BRINP3: variants seen among roughly 807,000 people sequenced by gnomAD.
BRINP3 encodes BMP/retinoic acid inducible neural specific 3.
BRINP3 carries 19 observed loss-of-function variants against 71.0 expected under a neutral mutation model. The ratio of observed to expected loss-of-function variants is 0.27; its 90% CI spans 0.19 to 0.39. BRINP3 has a LOEUF of 0.39. BRINP3 is among the 10% of genes least tolerant of loss of function. BRINP3 has a pLI of 1.00. For missense variants in BRINP3, 959 were observed against 940.8 expected, an observed-to-expected ratio of 1.02 and a Z score of -0.25; for synonymous variants, 380 against 337.7, an observed-to-expected ratio of 1.13 and a Z score of -1.37.
At chr1:190,237,992 A>G (rs547253591) in intron 4 of BRINP3, among the ~76,000 whole-genome samples, 20 of 152,164 alleles carry the variant, frequency 1.3e-4, no homozygotes, top group African/African-American at 4.6e-4. Flanking sequence ...TATTGTAACA[A>G]GAAAACCACA....
chr1:190,290,375 G>C (rs539447139), intron 2 of BRINP3, among the ~76,000 whole-genome samples: 165 of 152,214 alleles, frequency 1.1e-3, no homozygotes, highest in African/African-American at 3.0e-3. Flanking sequence ...AGATATTTCA[G>C]CTATAAAAAG....
At chr1:190,125,013 T>C (rs964049537) in intron 7 of BRINP3, among the ~76,000 whole-genome samples, 1 of 152,036 alleles carries the variant, frequency 6.6e-6, no homozygotes, top group African/African-American at 2.4e-5. Flanking sequence ...GGATAGGACC[T>C]TGGAGATCAC....
chr1:190,447,680 T>G (rs1397300062), intron 2 of BRINP3, among the ~76,000 whole-genome samples: 2 of 150,550 alleles, frequency 1.3e-5, no homozygotes, highest in South Asian at 2.1e-4. Context: ...TATGTTATAG[T>G]CTGTCTTTCA....
chr1:190,317,706 C>G (rs1363331485), intron 2 of BRINP3, among the ~76,000 whole-genome samples: 1 of 151,970 alleles, frequency 6.6e-6, no homozygotes, highest in Non-Finnish European at 1.5e-5. Context: ...ACATCTATGC[C>G]TTTACCCGTA....
chr1:190,395,736 C>T (rs1037267591), intron 2 of BRINP3, among the ~76,000 whole-genome samples: 13 of 151,848 alleles, frequency 8.6e-5, no homozygotes, highest in African/African-American at 3.1e-4. Flanking sequence ...CTGCACTCTC[C>T]AAATAATTTT....
chr1:190,232,907 C>T (rs905697835), intron 5 of BRINP3, among the ~76,000 whole-genome samples: 4 of 151,960 alleles, frequency 2.6e-5, no homozygotes, highest in African/African-American at 9.7e-5. Context: ...TTGCAAGAAA[C>T]ATTGGTGGAC....
At chr1:190,134,203 G>A (rs1392328652) in intron 7 of BRINP3, among the ~76,000 whole-genome samples, 2 of 151,994 alleles carry the variant, frequency 1.3e-5, no homozygotes, top group Admixed American at 6.6e-5. Flanking sequence ...GCCTCTTCGT[G>A]GAGGTGATAT....
intron 4 of BRINP3, among the ~76,000 whole-genome samples, chr1:190,260,319 G>T (rs1283576590): frequency 6.6e-6 from 1 of 152,006 alleles, no homozygotes; most frequent in Non-Finnish European, 1.5e-5. Context: ...AAGAAAAAAA[G>T]TATGTAAGAT....
At chr1:190,252,957 G>C (rs557173152) in intron 4 of BRINP3, among the ~76,000 whole-genome samples, 32 of 152,102 alleles carry the variant, frequency 2.1e-4, no homozygotes, top group African/African-American at 7.2e-4. Context: ...ACAGACCCCA[G>C]GGTGTGATGT....
intron 2 of BRINP3, among the ~76,000 whole-genome samples, chr1:190,386,356 A>G (rs555392790): frequency 2.6e-5 from 4 of 151,938 alleles, no homozygotes; most frequent in Non-Finnish European, 5.9e-5. Flanking sequence ...TACTTGTGAC[A>G]TGGGACTGTT....
At chr1:190,118,489 G>A (rs1164744075) in intron 7 of BRINP3, among the ~76,000 whole-genome samples, 1 of 151,998 alleles carries the variant, frequency 6.6e-6, no homozygotes, top group African/African-American at 2.4e-5. Flanking sequence ...TAAACATCTC[G>A]CCTTTATTAA....
chr1:190,418,902 A>C (rs2102448032), intron 2 of BRINP3, among the ~76,000 whole-genome samples: 1 of 152,250 alleles, frequency 6.6e-6, no homozygotes, highest in East Asian at 1.9e-4. Context: ...ATTTTTATTA[A>C]AAATATTCCT....
intron 2 of BRINP3, among the ~76,000 whole-genome samples, chr1:190,417,810 G>T (rs540291028): frequency 5.9e-5 from 9 of 152,236 alleles, no homozygotes; most frequent in Admixed American, 1.3e-4. Flanking sequence ...TGAAGATGAT[G>T]AGAGGGAAGA....
chr1:190,322,431 A>G (rs1666304600), intron 2 of BRINP3, among the ~76,000 whole-genome samples: 1 of 152,110 alleles, frequency 6.6e-6, no homozygotes, highest in African/African-American at 2.4e-5. Flanking sequence ...TGTGCTCCAC[A>G]GAGATGTAGA....
intron 2 of BRINP3, among the ~76,000 whole-genome samples, chr1:190,429,657 C>A (rs1230230827): frequency 2.0e-5 from 3 of 147,142 alleles, no homozygotes; most frequent in African/African-American, 7.5e-5. Context: ...ATGAGGAGAT[C>A]TCAGCTCACT....
intron 7 of BRINP3, among the ~76,000 whole-genome samples, chr1:190,122,369 A>G (rs1054534838): frequency 6.6e-6 from 1 of 152,088 alleles, no homozygotes; most frequent in African/African-American, 2.4e-5. Flanking sequence ...CTTTGCAGAT[A>G]TAATTGGTTA....
chr1:190,263,030 C>T (rs2102867568), intron 4 of BRINP3, among the ~76,000 whole-genome samples: 1 of 152,040 alleles, frequency 6.6e-6, no homozygotes, highest in East Asian at 1.9e-4. Context: ...ACTTAGAGTA[C>T]AAAAACTGTT....
At chr1:190,240,921 G>A (rs13375897) in intron 4 of BRINP3, among the ~76,000 whole-genome samples, 1 of 107,220 alleles carries the variant, frequency 9.3e-6, no homozygotes. Context: ...GGTATTCTCA[G>A]AAATATAAAA....
chr1:190,180,852 CA>C lies in BRINP3; in HGVS notation c.962-19963del, dbSNP rs201594426. ...AATAACAACAATTCCTAGGAAGTTA[CA>C]AAAAAAGTACAGACATAATCCTCTG... On this transcript the variant is annotated intron_variant, in intron 6 of 7. Coordinates refer to ENST00000367462, the MANE Select transcript of BRINP3 (RefSeq NM_199051.3). Among the ~76,000 whole-genome samples, 11 of 151,968 alleles carry C rather than the reference CA, an allele frequency of 7.2e-5. No individual in the cohort carries two copies. In the East Asian group the frequency reaches 2.1e-3, roughly 29 times the overall value.
Sources: allele counts gnomAD v4.1 joint callset (sites outside exome capture counted in the v4.1 genomes callset), GRCh38; gene constraint gnomAD v4.1.1; transcripts MANE v1.5; gene names NCBI Gene and HGNC (gene_info 2026-07-23, HGNC 2026-07-21).